OSBPL3: variants seen among roughly 807,000 people sequenced by gnomAD.
OSBPL3 encodes oxysterol-binding protein-related protein 3.
A neutral mutation model predicts 120.1 loss-of-function variants in OSBPL3; 65 were observed. The observed-to-expected ratio is 0.54, with a 90% CI of 0.44 to 0.67. OSBPL3 has a LOEUF of 0.67. Among genes scored for constraint, OSBPL3 ranks in the 30% least tolerant of loss-of-function variants. OSBPL3 has a pLI of 0.00. For synonymous variants in OSBPL3, 416 were observed against 402.6 expected (o/e 1.03, Z -0.40); for missense variants, 1,004 against 1,082.1 (o/e 0.93, Z 1.01).
In OSBPL3 at chr7:24,798,478, T is replaced by G. The variant is rs1319070743; in HGVS notation, c.*1705A>C. The G allele has an allele frequency of 6.6e-6, 1 of 152,192 alleles. No individual in the cohort carries two copies. The highest frequency in any genetic ancestry group is 1.5e-5 in the Non-Finnish European group (1 of 68,040). 9.4% of individuals were successfully genotyped at this position (152,192 alleles called of 1,614,324 possible). ...AAGCATACACCAAAGAATCTGACTG[T>G]GTCATTCAACTGCTTAGAAATGGAA... On this transcript the variant is annotated 3_prime_UTR_variant, in exon 23 of 23. Transcript: ENST00000313367. The surrounding 1 kb of genome is among the most constrained non-coding windows in gnomAD (Gnocchi z 4.6).
Position 24,922,819 on chromosome 7 carries a change from T to C in OSBPL3, c.-149-30198A>G, listed in dbSNP as rs987686578. Among the ~76,000 whole-genome samples, 2 of 151,960 alleles carry C rather than the reference T, an allele frequency of 1.3e-5. No homozygotes were observed. The highest frequency in any genetic ancestry group is 4.8e-5 in the African/African-American group (2 of 41,280). On this transcript the variant is annotated intron_variant, in intron 1 of 22. Transcript: ENST00000313367. The surrounding 1 kb of genome is among the most constrained non-coding windows in gnomAD (Gnocchi z 4.3). ...GTCCCTGCTGCCCTCACCCTCTTGG[T>C]GAAAGTGACAGACCACCCTCTCAGG...
chr7:24,909,246 T>C (rs1282779242), intron 1 of OSBPL3, among the ~76,000 whole-genome samples: 1 of 152,218 alleles, frequency 6.6e-6, no homozygotes, highest in African/African-American at 2.4e-5. Flanking sequence ...AGTTTTAATG[T>C]GGTTCATGGG....
chr7:24,812,075 G>A (rs570399242), intron 19 of OSBPL3, among the ~76,000 whole-genome samples: 3 of 152,256 alleles, frequency 2.0e-5, no homozygotes, highest in South Asian at 4.2e-4. Flanking sequence ...GGGAGGCCGA[G>A]GTGGGTGGAT....
Position 24,842,305 on chromosome 7 carries a change from A to G in OSBPL3, c.1375T>C (p.Leu459=), listed in dbSNP as rs751194829. The G allele has an allele frequency of 6.2e-7, 1 of 1,613,730 alleles. No individual in the cohort carries two copies. The highest frequency in any genetic ancestry group is 8.5e-7 in the Non-Finnish European group (1 of 1,179,900). The change falls in exon 13 of 23, where the codon TTA becomes CTA. Residue 459 remains leucine (L), a synonymous_variant. Coordinates refer to ENST00000313367, the MANE Select transcript of OSBPL3 (RefSeq NM_015550.4). ...SEFFDAQEVL[L]SPSSSENEIS... is the part of the protein sequence containing the mutation. ...TCGTTTTCTGAAGAGCTTGGAGATA[A>G]CAGAACTTCCTGAGCATCAAAAAAC...
Position 24,932,849 on chromosome 7 carries a change from G to T in OSBPL3, c.-149-40228C>A, listed in dbSNP as rs899652302. Among the ~76,000 whole-genome samples the T allele has an allele frequency of 1.3e-5, 2 of 152,220 alleles. No homozygotes were observed. Among genetic ancestry groups the T allele is most frequent in the Non-Finnish European group, 1.5e-5 (1 of 68,050 alleles). The stretch of plus-strand genomic sequence containing the variant: ...TTTGAAATGTTGGGCATTCAGGAAC[G>T]ATCTTTCTAAGATCACTTTTTAAAA... On this transcript the variant is annotated intron_variant, in intron 1 of 22. Transcript: ENST00000313367. The surrounding 1 kb of genome is among the most constrained non-coding windows in gnomAD (Gnocchi z 5.6).
chr7:24,920,936 A>T (rs561570307), intron 1 of OSBPL3, among the ~76,000 whole-genome samples: 1 of 152,196 alleles, frequency 6.6e-6, no homozygotes, highest in South Asian at 2.1e-4. Flanking sequence ...CCTAGAACTC[A>T]CTTGAGAGGT....
intron 15 of OSBPL3, among the ~76,000 whole-genome samples, chr7:24,832,382 C>T (rs1392709454): frequency 2.6e-5 from 4 of 151,284 alleles, no homozygotes; most frequent in Admixed American, 1.3e-4. Flanking sequence ...TGGTGGCGCA[C>T]GCCTGTAATC....
At chr7:24,845,384 TAA>T (rs34559902) in intron 12 of OSBPL3, among the ~76,000 whole-genome samples, 4,158 of 61,998 alleles carry the variant, frequency 0.067, 84 homozygotes, top group African/African-American at 0.15. Flanking sequence ...GCAAAATAAG[TAA>T]AAAAAAAAAA....
intron 10 of OSBPL3, among the ~76,000 whole-genome samples, chr7:24,853,463 A>G (rs1799427393): frequency 6.6e-6 from 1 of 152,218 alleles, no homozygotes; most frequent in African/African-American, 2.4e-5. Flanking sequence ...CAATTTGACG[A>G]AAGAGAAAGA....
At chr7:24,928,512 C>T (rs1449422475) in intron 1 of OSBPL3, among the ~76,000 whole-genome samples, 5 of 152,126 alleles carry the variant, frequency 3.3e-5, no homozygotes, top group Non-Finnish European at 5.9e-5. Flanking sequence ...TTATAAATTA[C>T]CCAGTCTCAG....
rs2128105115 is a variant in OSBPL3 at position 24,806,452 on chromosome 7, G to A, written c.2444+324C>T. On this transcript the variant is annotated intron_variant, in intron 21 of 22. Transcript: ENST00000313367. The surrounding 1 kb of genome is among the most constrained non-coding windows in gnomAD (Gnocchi z 5.2). ...TGCACCAAAATCATTTAAATTTGAG[G>A]GCTCGGGGAGCTGGAGGTTTTAACT... is the stretch of plus-strand genomic sequence containing the variant. Among the ~76,000 whole-genome samples, 1 of 152,216 alleles carries A rather than the reference G, an allele frequency of 6.6e-6. No homozygotes were observed. The highest frequency in any genetic ancestry group is 1.9e-4 in the East Asian group (1 of 5,182).
In OSBPL3 at chr7:24,946,058, A is replaced by G. The variant is rs999980938; in HGVS notation, c.-150+33828T>C. 2.0e-5 allele frequency among the ~76,000 whole-genome samples: 3 copies of G among 152,134 alleles called. No individual in the cohort carries two copies. Among genetic ancestry groups the G allele is most frequent in the African/African-American group, 4.8e-5 (2 of 41,424 alleles). On this transcript the variant is annotated intron_variant, in intron 1 of 22. Coordinates refer to ENST00000313367, the MANE Select transcript of OSBPL3 (RefSeq NM_015550.4). The surrounding 1 kb of genome is among the most constrained non-coding windows in gnomAD (Gnocchi z 4.3). ...TGGGGCTGGAGCTAGGTGGGGCTAG[A>G]GTCATCTGAAGGCTCAGCTGGGTAG...
rs1794365263 is a variant in OSBPL3 at position 24,815,557 on chromosome 7, T to C, written c.2028-354A>G. Among the ~76,000 whole-genome samples the C allele has an allele frequency of 6.6e-6, 1 of 152,216 alleles. No homozygotes were observed. Among genetic ancestry groups the C allele is most frequent in the Non-Finnish European group, 1.5e-5 (1 of 68,036 alleles). ...TGTTGCTGAACTAGGAAAGGGAAGC[T>C]TGAGAAAGGGATGAAGGTTTTATAC... On this transcript the variant is annotated intron_variant, in intron 18 of 22. Coordinates refer to ENST00000313367, the MANE Select transcript of OSBPL3 (RefSeq NM_015550.4). This position sits in a 1 kb window ranked among gnomAD's most constrained non-coding sequence, Gnocchi z 5.1.
intron 22 of OSBPL3, among the ~76,000 whole-genome samples, chr7:24,801,264 A>AG (rs1198994842): frequency 6.6e-6 from 1 of 150,800 alleles, no homozygotes; most frequent in East Asian, 1.9e-4. Context: ...AAAAAAAAAA[A>AG]AGTAATTGAA....
At position 24,800,022 on chromosome 7, in the gene OSBPL3, G is replaced by C; in HGVS notation, c.*161C>G. 2.4e-6 allele frequency: 1 copy of C among 425,322 alleles called. No homozygotes were observed. The highest frequency in any genetic ancestry group is 4.2e-6 in the Non-Finnish European group (1 of 235,680). The allele number at this position is 425,322 out of a possible 1,614,324, so 26.3% of individuals were successfully genotyped here. On this transcript the variant is annotated 3_prime_UTR_variant, in exon 23 of 23. Transcript: ENST00000313367. ...TCAGGGTAACATTTGAAATTGTAAAGAAACGCACTGAGGAAAATATAGACT... is the reference window on the plus strand; with the variant it reads ...TCAGGGTAACATTTGAAATTGTAAACAAACGCACTGAGGAAAATATAGACT...
At chr7:24,837,831 G>A (rs1330200909) in intron 14 of OSBPL3, among the ~76,000 whole-genome samples, 1 of 152,182 alleles carries the variant, frequency 6.6e-6, no homozygotes, top group Non-Finnish European at 1.5e-5. Context: ...GCTAACCAAG[G>A]AAGTCTGGTC....
chr7:24,800,922 A>G (rs922599637), intron 22 of OSBPL3, among the ~76,000 whole-genome samples: 2 of 151,256 alleles, frequency 1.3e-5, no homozygotes, highest in Non-Finnish European at 2.9e-5. Context: ...CAGGTTGTAC[A>G]TAGGAAGTGG....
At chr7:24,944,973 C>T (rs1813542030) in intron 1 of OSBPL3, among the ~76,000 whole-genome samples, 1 of 151,976 alleles carries the variant, frequency 6.6e-6, no homozygotes, top group South Asian at 2.1e-4. Context: ...TAGATTTTTC[C>T]TCGTATTTGA....
rs949479093 is a variant in OSBPL3, at chr7:24,805,497, G to T, written c.2445-1060C>A. Among the ~76,000 whole-genome samples the T allele has an allele frequency of 7.9e-5, 12 of 152,004 alleles. No homozygotes were observed. The highest frequency in any genetic ancestry group is 2.7e-4 in the African/African-American group (11 of 41,462). On this transcript the variant is annotated intron_variant, in intron 21 of 22. Coordinates refer to ENST00000313367, the MANE Select transcript of OSBPL3 (RefSeq NM_015550.4). This position sits in a 1 kb window ranked among gnomAD's most constrained non-coding sequence, Gnocchi z 4.0. ...TTGCCATTCTTTAAACACCACATAC[G>T]TTATTAATATATACTGTATATTTCC...
Sources: allele counts gnomAD v4.1 joint callset (sites outside exome capture counted in the v4.1 genomes callset), GRCh38; gene constraint gnomAD v4.1.1; non-coding constraint Gnocchi (gnomAD v3.1); transcripts MANE v1.5; gene names NCBI Gene and HGNC (gene_info 2026-07-23, HGNC 2026-07-21).